Variants in CDC23 observed in about 807,000 individuals in gnomAD.
CDC23 encodes cell division cycle protein 23 homolog.
A neutral mutation model predicts 81.7 loss-of-function variants in CDC23; 26 were observed. The observed-to-expected ratio is 0.32, with a 90% confidence interval of 0.23 to 0.44. CDC23 has a LOEUF of 0.44. CDC23 is among the 20% of genes least tolerant of loss of function. The pLI is 1.00. For synonymous variants in CDC23, 267 were observed against 270.8 expected, an observed-to-expected ratio of 0.99 and a Z score of 0.14; for missense variants, 519 against 728.0, an observed-to-expected ratio of 0.71 and a Z score of 3.30.
rs369477047 is a variant in CDC23 at position 138,206,697 on chromosome 5, C to G, written c.235-13G>C. 16 of 1,606,628 alleles carry G rather than the reference C, an allele frequency of 1.0e-5. No individual in the cohort carries two copies. Among genetic ancestry groups the G allele is most frequent in the African/African-American group, 1.3e-5 (1 of 74,618 alleles). ...CCTGGGCATCTTCCTAAAAAAGAAACAAGCTTATGTAAGTGGTTGGGAATA... is the reference window on the plus strand; with the variant it reads ...CCTGGGCATCTTCCTAAAAAAGAAAGAAGCTTATGTAAGTGGTTGGGAATA... On this transcript the variant is annotated splice_polypyrimidine_tract_variant and intron_variant, in intron 2 of 15. Coordinates refer to ENST00000394886, the MANE Select transcript of CDC23 (RefSeq NM_004661.4).
chr5:138,213,099 GC>G (rs1043913842), intron 1 of CDC23, 36 bp from the exon 2 acceptor site: 3 of 1,613,780 alleles, frequency 1.9e-6, no homozygotes, highest in Admixed American at 1.7e-5. Context: ...AGCTCGACAA[GC>G]CCCCCAAGGC....
At chr5:138,205,615 G>T (rs1561637125) in intron 3 of CDC23, among the ~76,000 whole-genome samples, 1 of 151,948 alleles carries the variant, frequency 6.6e-6, no homozygotes. Context: ...TCTAGAGATG[G>T]GTGGTGGTGA....
At chr5:138,210,328 C>T (rs1042657132) in intron 2 of CDC23, among the ~76,000 whole-genome samples, 5 of 151,904 alleles carry the variant, frequency 3.3e-5, no homozygotes, top group African/African-American at 1.2e-4. Flanking sequence ...GAATTCAAAC[C>T]AGCCTGGCCA....
chr5:138,198,074 C>T (rs1176492060), intron 9 of CDC23, 125 bp downstream of exon 9: 1 of 695,220 alleles, frequency 1.4e-6, no homozygotes, highest in Non-Finnish European at 2.4e-6. Context: ...ATCCTCCCGC[C>T]TCAGTCTCCT....
At chr5:138,206,780 A>T in intron 2 of CDC23, 96 bp from the exon 3 acceptor site, 1 of 1,218,792 alleles carries the variant, frequency 8.2e-7, no homozygotes, top group South Asian at 1.6e-5. Flanking sequence ...TGTAAAAGAA[A>T]AAGGATTGTT....
chr5:138,201,477 A>G (rs1478773511), intron 4 of CDC23, 29 bp from the exon 5 acceptor site: 1 of 1,396,604 alleles, frequency 7.2e-7, no homozygotes, highest in East Asian at 2.3e-5. Context: ...CTCTGTTCTA[A>G]GGTTAGGATG....
chr5:138,202,260 G>A, intron 3 of CDC23, 105 bp from the exon 4 acceptor site: 1 of 740,716 alleles, frequency 1.4e-6, no homozygotes, highest in Non-Finnish European at 2.3e-6. Context: ...AACCAAAATG[G>A]CATCGACTTT....
intron 12 of CDC23, 74 bp downstream of exon 12, chr5:138,191,788 A>T: frequency 8.2e-7 from 1 of 1,214,924 alleles, no homozygotes; most frequent in Non-Finnish European, 1.2e-6. Context: ...GGGAAAAATT[A>T]GAGCACAGAT....
At chr5:138,192,193 C>A in intron 11 of CDC23, 76 bp downstream of exon 11, 1 of 1,567,818 alleles carries the variant, frequency 6.4e-7, no homozygotes, top group South Asian at 1.2e-5. Context: ...TGTGATTTGT[C>A]AATAGCTATC....
At chr5:138,197,657 C>T (rs1013360962) in intron 9 of CDC23, among the ~76,000 whole-genome samples, 5 of 150,978 alleles carry the variant, frequency 3.3e-5, no homozygotes, top group Middle Eastern at 3.2e-3. Context: ...CCACCACACC[C>T]GGCTAATTTT....
Position 138,201,346 on chromosome 5 carries a change from T to TA in CDC23, c.517dup (p.Tyr173LeufsTer14). 6.2e-7 allele frequency: 1 copy of TA among 1,613,882 alleles called. No individual in the cohort carries two copies. Among genetic ancestry groups the TA allele is most frequent in the African/African-American group, 1.3e-5 (1 of 75,048 alleles). On this transcript the variant is annotated frameshift_variant, in exon 5 of 16. Transcript: ENST00000394886. LOFTEE classifies it high-confidence loss of function. ...TCCAAATTACTGTAACACTTACAGA[T>TA]AAAGTCCAAATCCATCAAGTTCTCG...
chr5:138,202,772 C>T (rs1755003325), intron 3 of CDC23, among the ~76,000 whole-genome samples: 2 of 152,026 alleles, frequency 1.3e-5, no homozygotes, highest in African/African-American at 4.8e-5. Flanking sequence ...GAATGCCAAG[C>T]GTTGAGTAGT....
At chr5:138,201,496 C>T (rs919376106) in intron 4 of CDC23, 48 bp from the exon 5 acceptor site, 1 of 1,250,030 alleles carries the variant, frequency 8.0e-7, no homozygotes, top group Non-Finnish European at 1.1e-6. Context: ...TGCTGGTTTT[C>T]ATTTTCTTAT....
chr5:138,209,093 A>G (rs147443026), intron 2 of CDC23, among the ~76,000 whole-genome samples: 3 of 152,206 alleles, frequency 2.0e-5, no homozygotes, highest in Admixed American at 6.5e-5. Context: ...TTAAACCAAG[A>G]AGCCACAATT....
chr5:138,200,963 C>T, intron 6 of CDC23, 144 bp downstream of exon 6: 1 of 809,608 alleles, frequency 1.2e-6, no homozygotes. Context: ...AGACTTACTT[C>T]CAAAACAGCG....
rs149490438 is a variant in CDC23 at position 138,208,150 on chromosome 5, G to A, written c.235-1466C>T. On this transcript the variant is annotated intron_variant, in intron 2 of 15. Transcript: ENST00000394886. ...CTAATTTTTGTATTTTAGTAGAGACGGAGTTTCACCAGGCTGGTCTTGAAC... is the reference window on the plus strand; with the variant it reads ...CTAATTTTTGTATTTTAGTAGAGACAGAGTTTCACCAGGCTGGTCTTGAAC... Among the ~76,000 whole-genome samples the A allele has an allele frequency of 3.6e-3, 554 of 151,908 alleles. 3 individuals are homozygous for A. Among genetic ancestry groups the A allele is most frequent in the African/African-American group, 0.013 (526 of 41,416 alleles).
rs191234420 is a variant in CDC23, at chr5:138,203,787, C to A, written c.373-1632G>T. On this transcript the variant is annotated intron_variant, in intron 3 of 15. Transcript: ENST00000394886. Reference sequence around the variant, plus strand: ...AATTAGCCGGGCATGGTAGTGAGCACCTGTAATCCCAGCTACCCAGGAGGC... The same window carrying A: ...AATTAGCCGGGCATGGTAGTGAGCAACTGTAATCCCAGCTACCCAGGAGGC... Among the ~76,000 whole-genome samples the A allele has an allele frequency of 2.0e-5, 3 of 152,192 alleles. No homozygotes were observed. The East Asian group carries it at 5.8e-4, about 29-fold the overall frequency.
At chr5:138,212,003 TTATC>T (rs1755118493) in intron 2 of CDC23, among the ~76,000 whole-genome samples, 1 of 152,136 alleles carries the variant, frequency 6.6e-6, no homozygotes, top group Non-Finnish European at 1.5e-5. Context: ...ATTATTAACA[TTATC>T]TATAGATGAG....
At chr5:138,202,960 ATAACAG>A (rs1279025795) in intron 3 of CDC23, among the ~76,000 whole-genome samples, 1 of 152,244 alleles carries the variant, frequency 6.6e-6, no homozygotes, top group African/African-American at 2.4e-5. Flanking sequence ...TGCAAGGGAA[ATAACAG>A]TAACTACACA....
Sources: allele counts gnomAD v4.1 joint callset (sites outside exome capture counted in the v4.1 genomes callset), GRCh38; gene constraint gnomAD v4.1.1; transcripts MANE v1.5; gene names NCBI Gene and HGNC (gene_info 2026-07-23, HGNC 2026-07-21).